Variants in NPAS3 observed in about 807,000 individuals in gnomAD.
NPAS3 encodes neuronal PAS domain protein 3.
Under a neutral mutation model 73.1 loss-of-function variants are expected in NPAS3, and 14 were observed. The ratio of observed to expected loss-of-function variants is 0.19; its 90% CI spans 0.13 to 0.30. The LOEUF (loss-of-function observed/expected upper bound fraction) is 0.30, where lower values mean the gene tolerates loss of function less well. NPAS3 is among the 10% of genes least tolerant of loss of function. NPAS3 has a pLI of 1.00. For missense variants in NPAS3, 1,096 were observed against 1,250.0 expected (o/e 0.88, Z 1.86); for synonymous variants, 620 against 541.5 (o/e 1.14, Z -2.01).
At chr14:33,159,833 G>A (rs1248586807) in intron 2 of NPAS3, among the ~76,000 whole-genome samples, 7 of 152,152 alleles carry the variant, frequency 4.6e-5, no homozygotes, top group African/African-American at 1.7e-4. Flanking sequence ...GATTATAGGC[G>A]TGAGCCACTG....
At chr14:33,797,617 C>T (rs892037644) in intron 11 of NPAS3, 36 bp downstream of exon 11, 1 of 1,609,724 alleles carries the variant, frequency 6.2e-7, no homozygotes, top group African/African-American at 1.3e-5. Context: ...TTCAGTGAAG[C>T]TTGCCCACCA....
At chr14:33,171,038 G>T (rs1595600454) in intron 2 of NPAS3, among the ~76,000 whole-genome samples, 1 of 152,174 alleles carries the variant, frequency 6.6e-6, no homozygotes, top group African/African-American at 2.4e-5. Flanking sequence ...CTTATGAAAT[G>T]CATTTTTTAA....
At chr14:33,465,384 T>G (rs905692656) in intron 4 of NPAS3, among the ~76,000 whole-genome samples, 2 of 152,212 alleles carry the variant, frequency 1.3e-5, no homozygotes, top group East Asian at 3.8e-4. Flanking sequence ...GTTTAAAATG[T>G]AACTACTGTC....
At chr14:33,585,702 A>G (rs979194506) in intron 5 of NPAS3, among the ~76,000 whole-genome samples, 1 of 152,212 alleles carries the variant, frequency 6.6e-6, no homozygotes, top group Non-Finnish European at 1.5e-5. Context: ...AATGTCATTA[A>G]TGTTCCAAAG....
chr14:33,240,305 A>G (rs533772899), intron 3 of NPAS3, among the ~76,000 whole-genome samples: 2 of 151,806 alleles, frequency 1.3e-5, no homozygotes, highest in East Asian at 3.9e-4. Flanking sequence ...CTGGTTTAAA[A>G]CCAAAATAAA....
At chr14:33,370,057 G>T (rs746467032) in intron 4 of NPAS3, among the ~76,000 whole-genome samples, 15 of 152,122 alleles carry the variant, frequency 9.9e-5, no homozygotes, top group Non-Finnish European at 1.9e-4. Flanking sequence ...AAGTAGTATA[G>T]GCATGATCTC....
At chr14:32,942,792 A>G (rs774019101) in intron 1 of NPAS3, among the ~76,000 whole-genome samples, 1 of 152,232 alleles carries the variant, frequency 6.6e-6, no homozygotes, top group Non-Finnish European at 1.5e-5. Flanking sequence ...TTATATATAT[A>G]AATAGCTCCA....
At chr14:33,485,154 T>C (rs995188745) in intron 4 of NPAS3, among the ~76,000 whole-genome samples, 1 of 152,148 alleles carries the variant, frequency 6.6e-6, no homozygotes. Context: ...TTCTCCTTTC[T>C]GAGTCTGTGA....
chr14:33,103,895 A>G (rs905472096), intron 2 of NPAS3, among the ~76,000 whole-genome samples: 2 of 152,184 alleles, frequency 1.3e-5, no homozygotes, highest in African/African-American at 2.4e-5. Flanking sequence ...AGCACTGGGT[A>G]GGTAGCTCAT....
intron 3 of NPAS3, among the ~76,000 whole-genome samples, chr14:33,216,631 T>C (rs553010346): frequency 1.3e-5 from 2 of 152,188 alleles, no homozygotes; most frequent in East Asian, 3.9e-4. Context: ...CTTAATGGGC[T>C]ACTCAACTCT....
chr14:33,604,927 C>T (rs2057509820), intron 5 of NPAS3, among the ~76,000 whole-genome samples: 1 of 151,940 alleles, frequency 6.6e-6, no homozygotes, highest in Non-Finnish European at 1.5e-5. Context: ...TAAAACGTAT[C>T]AGAATTTGCA....
intron 5 of NPAS3, among the ~76,000 whole-genome samples, chr14:33,670,128 C>T (rs948840606): frequency 1.3e-5 from 2 of 152,056 alleles, no homozygotes; most frequent in Non-Finnish European, 2.9e-5. Context: ...CAACAAAAAA[C>T]GTACTTAATG....
intron 6 of NPAS3, among the ~76,000 whole-genome samples, chr14:33,704,898 A>G (rs1460224739): frequency 6.6e-6 from 1 of 152,176 alleles, no homozygotes; most frequent in Non-Finnish European, 1.5e-5. Context: ...AGAAGAGGAA[A>G]AAATAGGGTG....
intron 6 of NPAS3, among the ~76,000 whole-genome samples, chr14:33,730,015 T>C: frequency 6.6e-6 from 1 of 152,156 alleles, no homozygotes; most frequent in East Asian, 1.9e-4. Flanking sequence ...GAATGTTAGT[T>C]ACTATATATA....
chr14:33,284,814 A>G (rs2041806874), intron 3 of NPAS3, among the ~76,000 whole-genome samples: 1 of 136,986 alleles, frequency 7.3e-6, no homozygotes, highest in South Asian at 2.3e-4. Flanking sequence ...CTATCTATCT[A>G]TATAATCTTC....
intron 3 of NPAS3, among the ~76,000 whole-genome samples, chr14:33,335,676 C>G (rs1390471158): frequency 6.6e-6 from 1 of 152,040 alleles, no homozygotes; most frequent in Non-Finnish European, 1.5e-5. Flanking sequence ...TTTGAGTGGG[C>G]CTTTTGGCTG....
intron 5 of NPAS3, among the ~76,000 whole-genome samples, chr14:33,564,634 T>C (rs1241085650): frequency 6.6e-6 from 1 of 152,228 alleles, no homozygotes; most frequent in African/African-American, 2.4e-5. Context: ...CATTTTCTTC[T>C]AAGCCCTCAT....
At chr14:33,306,774 G>A (rs2042770188) in intron 3 of NPAS3, among the ~76,000 whole-genome samples, 1 of 152,182 alleles carries the variant, frequency 6.6e-6, no homozygotes, top group Non-Finnish European at 1.5e-5. Flanking sequence ...GCCTAATGGA[G>A]GTTGTTCATA....
At chr14:33,170,925 A>G (rs1302683559) in intron 2 of NPAS3, among the ~76,000 whole-genome samples, 1 of 152,220 alleles carries the variant, frequency 6.6e-6, no homozygotes, top group African/African-American at 2.4e-5. Context: ...CATGAATCAA[A>G]CATGTTCTTA....
Sources: allele counts gnomAD v4.1 joint callset (sites outside exome capture counted in the v4.1 genomes callset), GRCh38; gene constraint gnomAD v4.1.1; transcripts MANE v1.5; gene names NCBI Gene and HGNC (gene_info 2026-07-23, HGNC 2026-07-21).